DOK4: variants seen among roughly 807,000 people sequenced by gnomAD.
The protein encoded by DOK4 is downstream of tyrosine kinase 4.
In DOK4, 26 loss-of-function variants were observed where a neutral mutation model predicts 40.1. That is an observed-to-expected ratio of 0.65 (90% CI 0.48 to 0.90). The LOEUF is 0.90. Ranked by LOEUF, DOK4 falls within the 40% of genes least tolerant of loss-of-function variation. DOK4 has a pLI of 0.00. For missense variants in DOK4, 392 were observed against 437.2 expected, an observed-to-expected ratio of 0.90 and a Z score of 0.92; for synonymous variants, 179 against 177.0, an observed-to-expected ratio of 1.01 and a Z score of -0.09.
rs1283779764 is a variant in DOK4 at position 57,485,534 on chromosome 16, C to A, written c.-182+771G>T. ...CTCCTAGAGATACTGCCAGGCCCCT[C>A]GCTGCCCTGGCCATCAGACCCCTCC... is the stretch of plus-strand genomic sequence containing the variant. On this transcript the variant is annotated intron_variant, in intron 1 of 8. Coordinates refer to ENST00000340099, the Ensembl canonical transcript of DOK4. The surrounding 1 kb of genome is among the most constrained non-coding windows in gnomAD (Gnocchi z 4.3). Among the ~76,000 whole-genome samples the A allele has an allele frequency of 6.6e-6, 1 of 152,266 alleles. No homozygotes were observed. The highest frequency in any genetic ancestry group is 1.9e-4 in the East Asian group (1 of 5,170).
At position 57,479,627 on chromosome 16, in the gene DOK4, G is replaced by A. The variant is rs62039360; in HGVS notation, c.-120C>T. 59,397 of 1,074,092 alleles carry A rather than the reference G, an allele frequency of 0.055. 1,919 individuals are homozygous for A. Among genetic ancestry groups the A allele is most frequent in the Middle Eastern group, 0.087 (425 of 4,912 alleles). 66.5% of individuals were successfully genotyped at this position (1,074,092 alleles called of 1,614,324 possible). A position where few individuals can be genotyped will look rare whatever the true frequency, so the allele number is the denominator to read the frequency against. On this transcript the variant is annotated 5_prime_UTR_variant, in exon 2 of 9. Coordinates refer to ENST00000340099, the Ensembl canonical transcript of DOK4. This position sits in a 1 kb window ranked among gnomAD's most constrained non-coding sequence, Gnocchi z 5.8. The stretch of plus-strand genomic sequence containing the variant: ...AGACACTCTGTCGGGGCTGCCGCGA[G>A]GGGCTGCTCCTCACCTCACCCGCCT...
chr16:57,473,934 C>T, exon 7 of DOK4: 1 of 1,613,990 alleles, frequency 6.2e-7, no homozygotes, highest in Non-Finnish European at 8.5e-7. Flanking sequence ...GCAGGACCCG[C>T]TTGTGCTGCT....
intron 1 of DOK4, chr16:57,483,857 A>C (rs1273988902): frequency 6.6e-6 from 1 of 152,286 alleles, no homozygotes; most frequent in Non-Finnish European, 1.5e-5. Context: ...GGTGTCCAGC[A>C]GTCGCTCTCA....
intron 1 of DOK4, among the ~76,000 whole-genome samples, chr16:57,482,957 C>T (rs1166604376): frequency 2.6e-5 from 4 of 152,186 alleles, no homozygotes; most frequent in African/African-American, 4.8e-5. Context: ...GCTCCTGCTG[C>T]GTCTGTCCAT....
intron 2 of DOK4, chr16:57,476,191 C>T: frequency 1.8e-6 from 1 of 548,106 alleles, no homozygotes; most frequent in East Asian, 3.2e-5. Flanking sequence ...AACGCTGTTC[C>T]ACAAAGGGTG....
At chr16:57,474,794 G>C in exon 6 of DOK4, 1 of 1,613,506 alleles carries the variant, frequency 6.2e-7, no homozygotes. Flanking sequence ...GGGTCCTACC[G>C]GCCAGCCTCG....
chr16:57,473,865 T>TCC (rs11458669), intron 7 of DOK4, 36 bp downstream of exon 7: 12 of 1,532,478 alleles, frequency 7.8e-6, no homozygotes, highest in African/African-American at 1.4e-5. Context: ...CGTTCCCCCC[T>TCC]CCCCCCGTAC....
At chr16:57,473,937 G>A in exon 7 of DOK4, 1 of 1,596,680 alleles carries the variant, frequency 6.3e-7, no homozygotes, top group Non-Finnish European at 8.5e-7. Flanking sequence ...GGACCCGCTT[G>A]TGCTGCTCTG....
intron 2 of DOK4, chr16:57,476,350 A>G (rs2146638498): frequency 5.8e-6 from 1 of 172,018 alleles, no homozygotes; most frequent in Middle Eastern, 2.6e-3. Context: ...TCCCCATTTT[A>G]TAGATGGGGA....
intron 2 of DOK4, among the ~76,000 whole-genome samples, chr16:57,477,886 G>A (rs899061503): frequency 6.6e-6 from 1 of 152,314 alleles, no homozygotes; most frequent in East Asian, 1.9e-4. Context: ...TGCATGGATA[G>A]GGCCTGGCTA....
At chr16:57,486,463 G>A (rs1413761928) in exon 1 of DOK4, 4 of 150,160 alleles carry the variant, frequency 2.7e-5, no homozygotes. Context: ...GCTAGGGATC[G>A]GGCTCCGGCT....
At chr16:57,475,200 C>A in exon 5 of DOK4, 1 of 1,613,706 alleles carries the variant, frequency 6.2e-7, no homozygotes, top group Non-Finnish European at 8.5e-7. Context: ...GTGTCTTGTA[C>A]CACTCCTCTG....
chr16:57,475,325 G>A, intron 4 of DOK4, 106 bp from the exon 5 acceptor site: 1 of 1,533,480 alleles, frequency 6.5e-7, no homozygotes, highest in Admixed American at 1.8e-5. Context: ...TAAGGACAGT[G>A]GGTTCTGCCT....
chr16:57,475,594 A>G (rs2031116780), exon 4 of DOK4: 4 of 1,607,422 alleles, frequency 2.5e-6, no homozygotes, highest in Non-Finnish European at 3.4e-6. Context: ...GCCGCGTAAC[A>G]CACTTGACGT....
At chr16:57,472,888 T>C (rs114023919) in exon 9 of DOK4, 4,857 of 157,922 alleles carry the variant, frequency 0.031, 265 homozygotes, top group African/African-American at 0.11. Context: ...CCTTGGGCTG[T>C]CTGGGAAAAG....
chr16:57,477,997 T>A (rs1049231280), intron 2 of DOK4, among the ~76,000 whole-genome samples: 1 of 152,090 alleles, frequency 6.6e-6, no homozygotes, highest in Non-Finnish European at 1.5e-5. Flanking sequence ...TTGTGGCTGG[T>A]GCCTTCCTGG....
chr16:57,472,308 A>G (rs2146610041), exon 9 of DOK4: 1 of 152,542 alleles, frequency 6.6e-6, no homozygotes, highest in Middle Eastern at 3.4e-3. Context: ...ACAACAAAAA[A>G]CCCCACACAA....
intron 1 of DOK4, among the ~76,000 whole-genome samples, chr16:57,486,096 G>A (rs1052766993): frequency 6.6e-6 from 1 of 152,076 alleles, no homozygotes; most frequent in Non-Finnish European, 1.5e-5. Context: ...GCTGCGGGTG[G>A]AGAGAGCGCA....
intron 2 of DOK4, 66 bp from the exon 3 acceptor site, chr16:57,476,023 C>A: frequency 7.3e-7 from 1 of 1,362,550 alleles, no homozygotes; most frequent in Non-Finnish European, 1.0e-6. Context: ...CATGGCCCTG[C>A]AGCCACCCCT....
Sources: allele counts gnomAD v4.1 joint callset (sites outside exome capture counted in the v4.1 genomes callset), GRCh38; gene constraint gnomAD v4.1.1; non-coding constraint Gnocchi (gnomAD v3.1); transcripts MANE v1.5; gene names NCBI Gene and HGNC (gene_info 2026-07-23, HGNC 2026-07-21).